The following MAD1L1 variants were observed in gnomAD, a reference collection of about 807,000 sequenced individuals.
MAD1L1 encodes the protein mitotic spindle assembly checkpoint protein MAD1.
MAD1L1 carries 95 observed loss-of-function variants against 96.9 expected under a neutral mutation model. That is an observed-to-expected ratio of 0.98 (90% confidence interval 0.83 to 1.16). The LOEUF is 1.16. Among genes scored for constraint, MAD1L1 ranks in the 50% most tolerant of loss-of-function variants. The probability of loss-of-function intolerance (pLI) is 0.00; values close to 1 mark genes in which losing one functional copy is unlikely to be tolerated. For missense variants in MAD1L1, 1,007 were observed against 954.4 expected, an observed-to-expected ratio of 1.06 and a Z score of -0.73; for synonymous variants, 473 against 396.6, an observed-to-expected ratio of 1.19 and a Z score of -2.29.
intron 15 of MAD1L1, among the ~76,000 whole-genome samples, chr7:1,970,713 G>C (rs1033197864): frequency 6.6e-6 from 1 of 152,300 alleles, no homozygotes; most frequent in South Asian, 2.1e-4. Context: ...CTGCATGCTT[G>C]TGCATACATC....
At chr7:2,163,534 T>C (rs1790269716) in intron 10 of MAD1L1, among the ~76,000 whole-genome samples, 1 of 152,150 alleles carries the variant, frequency 6.6e-6, no homozygotes, top group Admixed American at 6.5e-5. Flanking sequence ...ACACCACACC[T>C]GGCTAATTTT....
At chr7:2,213,862 G>T (rs1217707850) in intron 9 of MAD1L1, among the ~76,000 whole-genome samples, 1 of 152,224 alleles carries the variant, frequency 6.6e-6, no homozygotes, top group Non-Finnish European at 1.5e-5. Context: ...TCCCAAAGAG[G>T]TGAGTCTCAC....
At chr7:2,112,424 T>G (rs966202654) in intron 11 of MAD1L1, among the ~76,000 whole-genome samples, 1 of 152,094 alleles carries the variant, frequency 6.6e-6, no homozygotes, top group Non-Finnish European at 1.5e-5. Context: ...GCACCCACGG[T>G]GCTGAGAAAA....
chr7:1,977,153 C>T (rs1323995248), intron 15 of MAD1L1, among the ~76,000 whole-genome samples: 2 of 152,278 alleles, frequency 1.3e-5, no homozygotes, highest in African/African-American at 4.8e-5. Context: ...CCAGGCGCCG[C>T]AGAGCAGGGG....
At chr7:1,990,486 GC>G (rs1329910550) in intron 14 of MAD1L1, among the ~76,000 whole-genome samples, 1 of 152,252 alleles carries the variant, frequency 6.6e-6, no homozygotes, top group Non-Finnish European at 1.5e-5. Context: ...GCCATGGACA[GC>G]CCCCTTGGCT....
intron 10 of MAD1L1, among the ~76,000 whole-genome samples, chr7:2,150,353 C>T (rs926458748): frequency 2.6e-5 from 4 of 152,216 alleles, no homozygotes; most frequent in Admixed American, 1.3e-4. Flanking sequence ...CTGCCTAAAA[C>T]GCGCACGCTG....
intron 12 of MAD1L1, among the ~76,000 whole-genome samples, chr7:2,024,036 A>G (rs1782895498): frequency 6.6e-6 from 1 of 151,698 alleles, no homozygotes; most frequent in South Asian, 2.1e-4. Flanking sequence ...CAGGAACTCC[A>G]TAGAGAAAAA....
intron 9 of MAD1L1, among the ~76,000 whole-genome samples, chr7:2,214,593 T>A (rs1170835799): frequency 6.6e-6 from 1 of 151,496 alleles, no homozygotes; most frequent in Non-Finnish European, 1.5e-5. Flanking sequence ...GCGGCATAGG[T>A]GTGCCAGGCA....
rs1163978580 is a variant in MAD1L1, at chr7:2,136,895, A to C, written c.1073+12257T>G. Among the ~76,000 whole-genome samples, 8 of 152,344 alleles carry C rather than the reference A, an allele frequency of 5.3e-5. No individual in the cohort carries two copies. The East Asian group carries it at 1.5e-3, about 29-fold the overall frequency. ...GCTAAGAAGGAAGCTCTTGGCTCAG[A>C]GCTTACAAAGTTTACAACAAGTTAC... On this transcript the variant is annotated intron_variant, in intron 11 of 18. Transcript: ENST00000265854.
At chr7:1,874,792 AG>A (rs1785293243) in intron 18 of MAD1L1, among the ~76,000 whole-genome samples, 1 of 151,430 alleles carries the variant, frequency 6.6e-6, no homozygotes, top group Non-Finnish European at 1.5e-5. Flanking sequence ...CAGGAGAGAG[AG>A]GTTGGGTAGG....
chr7:1,828,054 C>G (rs1290744135), intron 18 of MAD1L1, among the ~76,000 whole-genome samples: 1 of 151,862 alleles, frequency 6.6e-6, no homozygotes, highest in Non-Finnish European at 1.5e-5. Flanking sequence ...GTGCTGTGGG[C>G]CCCGGGGCCC....
intron 15 of MAD1L1, among the ~76,000 whole-genome samples, chr7:1,973,300 G>A (rs908729318): frequency 6.6e-6 from 1 of 152,190 alleles, no homozygotes; most frequent in African/African-American, 2.4e-5. Context: ...TTTGGCTTGT[G>A]TACATCTAGG....
At chr7:2,156,114 G>T (rs1789822076) in intron 10 of MAD1L1, among the ~76,000 whole-genome samples, 1 of 152,012 alleles carries the variant, frequency 6.6e-6, no homozygotes, top group African/African-American at 2.4e-5. Context: ...CGGCGCGTGT[G>T]GCGAGGGCAG....
At chr7:2,116,207 A>G (rs1011255637) in intron 11 of MAD1L1, among the ~76,000 whole-genome samples, 3 of 152,194 alleles carry the variant, frequency 2.0e-5, no homozygotes, top group Admixed American at 1.3e-4. Context: ...CCCAGCACAG[A>G]AGGGAGCGAG....
At chr7:1,999,735 G>A (rs1227582031) in intron 14 of MAD1L1, among the ~76,000 whole-genome samples, 1 of 152,132 alleles carries the variant, frequency 6.6e-6, no homozygotes. Flanking sequence ...TCGGTAAAGC[G>A]AATCTTCCCT....
chr7:2,221,525 C>T (rs1343173377), intron 5 of MAD1L1, among the ~76,000 whole-genome samples: 7 of 151,208 alleles, frequency 4.6e-5, no homozygotes, highest in Non-Finnish European at 8.8e-5. Flanking sequence ...CACCCCCACA[C>T]CAGCAGATTT....
At chr7:1,976,402 G>A (rs1356950502) in intron 15 of MAD1L1, among the ~76,000 whole-genome samples, 1 of 152,218 alleles carries the variant, frequency 6.6e-6, no homozygotes, top group South Asian at 2.1e-4. Flanking sequence ...AGACCTTCAT[G>A]GTGAGTGTTA....
At chr7:2,221,650 A>C (rs1215758800) in intron 5 of MAD1L1, among the ~76,000 whole-genome samples, 1 of 152,222 alleles carries the variant, frequency 6.6e-6, no homozygotes, top group Non-Finnish European at 1.5e-5. Context: ...AAATGCAAGC[A>C]ACCTTCACCA....
intron 11 of MAD1L1, among the ~76,000 whole-genome samples, chr7:2,086,573 G>A (rs1366800461): frequency 2.0e-5 from 3 of 152,146 alleles, no homozygotes; most frequent in Non-Finnish European, 2.9e-5. Flanking sequence ...TCTTTTTGGA[G>A]ACAAAGTCTC....
Sources: allele counts gnomAD v4.1 joint callset (sites outside exome capture counted in the v4.1 genomes callset), GRCh38; gene constraint gnomAD v4.1.1; transcripts MANE v1.5; gene names NCBI Gene and HGNC (gene_info 2026-07-23, HGNC 2026-07-21).